Variants in SNF8 observed in about 807,000 individuals in gnomAD.
SNF8 encodes the protein vacuolar-sorting protein SNF8.
In SNF8, 19 loss-of-function variants were observed where a neutral mutation model predicts 36.8. The ratio of observed to expected loss-of-function variants is 0.52; its 90% CI spans 0.36 to 0.76. The LOEUF (loss-of-function observed/expected upper bound fraction) is 0.76. Ranked by LOEUF, SNF8 falls within the 30% of genes least tolerant of loss-of-function variation. The probability of loss-of-function intolerance (pLI) is 0.00; values close to 1 mark genes in which losing one functional copy is unlikely to be tolerated. For synonymous variants in SNF8, 127 were observed against 127.4 expected (o/e 1.00, Z 0.02); for missense variants, 268 against 322.9 (o/e 0.83, Z 1.30).
rs2040826065 is a variant in SNF8 at position 48,929,560 on chromosome 17, C to T, written c.*915G>A. Reference sequence around the variant, plus strand: ...TATAGGAGATTCTTGCTTTCTGATGCAGAGGCTTTTACTCTTGGCTGACCA... The same window carrying T: ...TATAGGAGATTCTTGCTTTCTGATGTAGAGGCTTTTACTCTTGGCTGACCA... On this transcript the variant is annotated 3_prime_UTR_variant, in exon 8 of 8. Transcript: ENST00000502492. The T allele has an allele frequency of 6.6e-6, 1 of 152,186 alleles. No homozygotes were observed. The highest frequency in any genetic ancestry group is 6.5e-5 in the Admixed American group (1 of 15,272). The allele number at this position is 152,186 out of a possible 1,614,324, so 9.4% of individuals were successfully genotyped here. A position where few individuals can be genotyped will look rare whatever the true frequency, so the allele number is the denominator to read the frequency against.
intron 1 of SNF8, chr17:48,944,219 G>A: frequency 2.2e-6 from 1 of 461,428 alleles, no homozygotes. Context: ...GGAGAACGGC[G>A]TGAACCCTGG....
intron 3 of SNF8, among the ~76,000 whole-genome samples, chr17:48,939,633 G>C (rs2040991040): frequency 6.7e-6 from 1 of 150,154 alleles, no homozygotes; most frequent in Non-Finnish European, 1.5e-5. Context: ...CTAATTTTTT[G>C]TATTTTTAGT....
Sources: allele counts gnomAD v4.1 joint callset (sites outside exome capture counted in the v4.1 genomes callset), GRCh38; gene constraint gnomAD v4.1.1; transcripts MANE v1.5; gene names NCBI Gene and HGNC (gene_info 2026-07-23, HGNC 2026-07-21).